Variants in DIAPH2 observed in about 807,000 individuals in gnomAD.
The protein encoded by DIAPH2 is protein diaphanous homolog 2.
Under a neutral mutation model 92.7 loss-of-function variants are expected in DIAPH2, and 35 were observed. That is an observed-to-expected ratio of 0.38 (90% confidence interval 0.29 to 0.50). The LOEUF (loss-of-function observed/expected upper bound fraction) is 0.50, where lower values mean the gene tolerates loss of function less well. DIAPH2 is among the 20% of genes least tolerant of loss of function. The pLI is 0.94. For synonymous variants in DIAPH2, 301 were observed against 280.4 expected, an observed-to-expected ratio of 1.07 and a Z score of -0.73; for missense variants, 701 against 819.5, an observed-to-expected ratio of 0.86 and a Z score of 1.77.
At chrX:97,189,978 AG>A (rs2067639431) in intron 22 of DIAPH2, among the ~76,000 whole-genome samples, 1 of 113,353 alleles carries the variant, frequency 8.8e-6, no homozygotes, top group Non-Finnish European at 1.9e-5. Flanking sequence ...GTTTTGGCTC[AG>A]GAGAAAAACT....
chrX:97,518,534 GTA>G (rs999074896), intron 26 of DIAPH2, among the ~76,000 whole-genome samples: 4 of 109,662 alleles, frequency 3.6e-5, no homozygotes, highest in African/African-American at 6.6e-5. Context: ...ATATGTGTGT[GTA>G]TATATATGTT....
intron 5 of DIAPH2, among the ~76,000 whole-genome samples, chrX:96,911,834 C>G (rs2065470386): frequency 1.8e-5 from 2 of 111,726 alleles, no homozygotes; most frequent in South Asian, 3.7e-4. Context: ...ATGTATCTCT[C>G]TCACCTAGAA....
intron 1 of DIAPH2, among the ~76,000 whole-genome samples, chrX:96,685,707 G>A (rs2063767459): frequency 8.9e-6 from 1 of 111,924 alleles, no homozygotes; most frequent in African/African-American, 3.3e-5. Context: ...AGGAAGAGGC[G>A]CCTACGTGCC....
intron 26 of DIAPH2, among the ~76,000 whole-genome samples, chrX:97,435,742 A>G (rs1411669920): frequency 9.0e-6 from 1 of 110,712 alleles, no homozygotes; most frequent in Non-Finnish European, 1.9e-5. Context: ...TAAGCTTTGG[A>G]GGAAAAAGAA....
rs985291782 is a variant in DIAPH2 at position 97,190,024 on chromosome X, C to G, written c.2719+48230C>G. Among the ~76,000 whole-genome samples the G allele has an allele frequency of 2.7e-5, 3 of 113,144 alleles. No individual in the cohort carries two copies. In the Admixed American group the frequency reaches 2.8e-4, roughly 11 times the overall value. ...TTAGAAAATGTCTCTTTCACATAGA[C>G]AGTATCAAAACGGCTTTATTAGTCT... On this transcript the variant is annotated intron_variant, in intron 22 of 26. Coordinates refer to ENST00000324765, the MANE Select transcript of DIAPH2 (RefSeq NM_006729.5).
chrX:96,864,061 T>C (rs2065089040), intron 4 of DIAPH2, among the ~76,000 whole-genome samples: 1 of 111,481 alleles, frequency 9.0e-6, no homozygotes, highest in African/African-American at 3.3e-5. Context: ...AGACCCTGTC[T>C]CAAAACAATT....
chrX:97,229,811 GTTA>G lies in DIAPH2; in HGVS notation c.2720-17899_2720-17897del, dbSNP rs756919120. Among the ~76,000 whole-genome samples the G allele has an allele frequency of 9.6e-3, 797 of 83,082 alleles. 6 individuals are homozygous for G. Among genetic ancestry groups the G allele is most frequent in the African/African-American group, 0.026 (700 of 27,171 alleles). The allele number at this position is 83,082 out of a possible 115,157, so 72.1% of individuals were successfully genotyped here. On this transcript the variant is annotated intron_variant, in intron 22 of 26. Transcript: ENST00000324765. ...TATATATAATAAGATATAATATATT[GTTA>G]TTATATATAATAACAATATTACATC...
intron 26 of DIAPH2, among the ~76,000 whole-genome samples, chrX:97,492,616 G>T (rs1368568785): frequency 9.0e-6 from 1 of 110,899 alleles, no homozygotes; most frequent in Non-Finnish European, 1.9e-5. Context: ...CCTTTTGTTT[G>T]GAAAAGTCTT....
At chrX:97,391,503 A>AAG (rs772545613) in intron 25 of DIAPH2, among the ~76,000 whole-genome samples, 26 of 111,902 alleles carry the variant, frequency 2.3e-4, no homozygotes, top group Non-Finnish European at 4.1e-4. Context: ...CATGGGACCA[A>AAG]AGATACATAC....
At chrX:96,864,657 A>C (rs761594474) in intron 4 of DIAPH2, among the ~76,000 whole-genome samples, 117 of 111,945 alleles carry the variant, frequency 1.0e-3, no homozygotes, top group African/African-American at 3.8e-3. Flanking sequence ...TCCCCAAACT[A>C]AAGCAGTGAA....
At position 96,777,100 on chromosome X, in the gene DIAPH2, A is replaced by T. The variant is rs151027342; in HGVS notation, c.447+18842A>T. 7.2e-4 allele frequency among the ~76,000 whole-genome samples: 80 copies of T among 111,802 alleles called. 2 individuals carry two copies. The East Asian group carries it at 0.018, about 26-fold the overall frequency. On this transcript the variant is annotated intron_variant, in intron 4 of 26. Transcript: ENST00000324765. ...TAATAGCAAAGTAGTATTTTAATAA[A>T]TCCTGGCACCCTCACTTCATTTAAT...
At chrX:97,334,499 A>G (rs2069034319) in intron 23 of DIAPH2, among the ~76,000 whole-genome samples, 1 of 95,138 alleles carries the variant, frequency 1.1e-5, no homozygotes, top group South Asian at 4.9e-4. Context: ...TTCTAGATAC[A>G]TTGAGACCTT....
intron 23 of DIAPH2, among the ~76,000 whole-genome samples, chrX:97,268,836 C>CT (rs755818668): frequency 4.5e-4 from 43 of 95,096 alleles, no homozygotes; most frequent in Admixed American, 3.1e-3. Flanking sequence ...AGGCACTGTT[C>CT]TTTTTTTTTT....
chrX:97,090,872 G>A (rs1431603990), intron 19 of DIAPH2, among the ~76,000 whole-genome samples: 1 of 111,713 alleles, frequency 9.0e-6, no homozygotes, highest in Non-Finnish European at 1.9e-5. Flanking sequence ...GGGTGTGCAC[G>A]TTACCATTAC....
chrX:97,372,199 C>T (rs1200566571), intron 24 of DIAPH2, among the ~76,000 whole-genome samples: 1 of 112,158 alleles, frequency 8.9e-6, no homozygotes, highest in Admixed American at 9.4e-5. Flanking sequence ...AGTTGTAAGG[C>T]AAATTTTAAA....
At chrX:97,593,878 T>C (rs2071533639) in intron 26 of DIAPH2, among the ~76,000 whole-genome samples, 1 of 111,677 alleles carries the variant, frequency 9.0e-6, no homozygotes, top group Non-Finnish European at 1.9e-5. Context: ...TTTGAATAAA[T>C]GCAAAAAGAA....
At chrX:97,516,538 G>C (rs2070950036) in intron 26 of DIAPH2, among the ~76,000 whole-genome samples, 1 of 111,709 alleles carries the variant, frequency 9.0e-6, no homozygotes, top group Non-Finnish European at 1.9e-5. Flanking sequence ...CAAAAAATAG[G>C]CTCTGTGGCA....
chrX:97,314,347 A>G (rs912554866), intron 23 of DIAPH2, among the ~76,000 whole-genome samples: 7 of 110,833 alleles, frequency 6.3e-5, no homozygotes, highest in Non-Finnish European at 1.3e-4. Context: ...CTGAAGGTTG[A>G]GGCTGCAGTG....
At chrX:97,519,229 T>C (rs972312290) in intron 26 of DIAPH2, among the ~76,000 whole-genome samples, 5 of 111,906 alleles carry the variant, frequency 4.5e-5, no homozygotes, top group African/African-American at 1.6e-4. Context: ...TAAATGAAAA[T>C]AATATTTTAC....
Sources: gnomAD v4.1 joint callset for allele counts (sites outside exome capture counted in the v4.1 genomes callset) on GRCh38, gnomAD v4.1.1 for gene constraint, MANE v1.5 for transcripts, NCBI Gene and HGNC (gene_info 2026-07-23, HGNC 2026-07-21) for gene names.